RALGAPA1: variants seen among roughly 807,000 people sequenced by gnomAD.
The protein encoded by RALGAPA1 is Ral GTPase activating protein catalytic subunit alpha 1, also known as ral GTPase-activating protein subunit alpha-1.
RALGAPA1 carries 52 observed loss-of-function variants against 269.6 expected under a neutral mutation model. That is an observed-to-expected ratio of 0.19 (90% CI 0.15 to 0.24). RALGAPA1 has a LOEUF of 0.24. Ranked by LOEUF, RALGAPA1 falls within the 10% of genes least tolerant of loss-of-function variation. RALGAPA1 has a pLI of 1.00. For synonymous variants in RALGAPA1, 817 were observed against 1,008.3 expected, an observed-to-expected ratio of 0.81 and a Z score of 3.60; for missense variants, 1,917 against 3,013.9, an observed-to-expected ratio of 0.64 and a Z score of 8.52.
intron 35 of RALGAPA1, among the ~76,000 whole-genome samples, chr14:35,609,363 T>C (rs899895395): frequency 6.6e-6 from 1 of 152,116 alleles, no homozygotes; most frequent in African/African-American, 2.4e-5. Context: ...AATTCACAAA[T>C]GTGTGAAAAT....
At position 35,615,074 on chromosome 14, in the gene RALGAPA1, G is replaced by C. The variant is rs114195613; in HGVS notation, c.6930-9365C>G. ...GCTAAAATGTTTTATATTGTCATTA[G>C]ATTAATATGCACCACAATAGTGAAT... On this transcript the variant is annotated intron_variant, in intron 35 of 41. Coordinates refer to ENST00000680220, the MANE Select transcript of RALGAPA1 (RefSeq NM_001346249.2). Among the ~76,000 whole-genome samples, 376 of 152,116 alleles carry C rather than the reference G, an allele frequency of 2.5e-3. 2 individuals carry two copies. Among genetic ancestry groups the C allele is most frequent in the African/African-American group, 8.6e-3 (359 of 41,506 alleles).
chr14:35,544,444 T>A (rs917975329), intron 41 of RALGAPA1, among the ~76,000 whole-genome samples: 2 of 152,190 alleles, frequency 1.3e-5, no homozygotes, highest in African/African-American at 4.8e-5. Context: ...TGACTCTGGG[T>A]AAGCATTTTT....
chr14:35,542,339 C>T (rs1263689425), intron 41 of RALGAPA1: 1 of 175,180 alleles, frequency 5.7e-6, no homozygotes, highest in African/African-American at 2.4e-5. Context: ...ACATTTCCAT[C>T]ACCATAGAAG....
Position 35,539,574 on chromosome 14 carries a change from G to A in RALGAPA1, c.*140C>T, listed in dbSNP as rs756904690. On this transcript the variant is annotated 3_prime_UTR_variant, in exon 42 of 42. Transcript: ENST00000680220. ...TTATTGGCTGAGCCAGAGGAACGAC[G>A]CAGCTTCATGGACATGCGGCTTTTG... is the stretch of plus-strand genomic sequence containing the variant. The A allele has an allele frequency of 3.1e-6, 5 of 1,613,048 alleles. No homozygotes were observed. Among genetic ancestry groups the A allele is most frequent in the South Asian group, 1.1e-5 (1 of 91,026 alleles).
At chr14:35,668,502 A>AT (rs1566960187) in intron 26 of RALGAPA1, among the ~76,000 whole-genome samples, 1 of 151,934 alleles carries the variant, frequency 6.6e-6, no homozygotes, top group Non-Finnish European at 1.5e-5. Context: ...AAAAATGTAC[A>AT]TTAAAAAATG....
intron 16 of RALGAPA1, among the ~76,000 whole-genome samples, chr14:35,703,464 G>T (rs995871069): frequency 3.9e-5 from 6 of 152,144 alleles, no homozygotes; most frequent in African/African-American, 1.4e-4. Context: ...GGGCAACAAA[G>T]TTAAGACTCT....
chr14:35,623,760 A>G (rs2060800129), intron 35 of RALGAPA1, among the ~76,000 whole-genome samples: 1 of 152,184 alleles, frequency 6.6e-6, no homozygotes, highest in Non-Finnish European at 1.5e-5. Context: ...TAAATGTCCA[A>G]CAATCATAAA....
At chr14:35,695,270 C>T (rs2066811373) in intron 17 of RALGAPA1, among the ~76,000 whole-genome samples, 1 of 151,760 alleles carries the variant, frequency 6.6e-6, no homozygotes, top group African/African-American at 2.4e-5. Context: ...ATGCTATAAT[C>T]AGCAGATTAC....
At position 35,672,952 on chromosome 14, in the gene RALGAPA1, T is replaced by C. The variant is rs2064603174; in HGVS notation, c.4988A>G (p.Lys1663Arg). ...ATTTGGAGAAACATCTTGTCTTCTT[T>C]TCATTGTATTACAAATAAGTTTATA... ...HAYKLICNTM[K>R]RRQDVSPNRD... is the part of the protein sequence containing the mutation. The change falls in exon 25 of 42, where the codon AAA becomes AGA. Residue 1663 changes from lysine to arginine, a missense_variant. Physicochemically the swap from Lys to Arg is conservative, Grantham distance 26 (BLOSUM62 2). Transcript: ENST00000680220. The C allele has an allele frequency of 1.3e-6, 2 of 1,575,342 alleles. No individual in the cohort carries two copies. Among genetic ancestry groups the C allele is most frequent in the South Asian group, 1.2e-5 (1 of 85,228 alleles).
intron 1 of RALGAPA1, among the ~76,000 whole-genome samples, chr14:35,776,277 A>G (rs2075015599): frequency 6.6e-6 from 1 of 152,020 alleles, no homozygotes; most frequent in Admixed American, 6.6e-5. Context: ...GCTACTTGGG[A>G]GGCTGAGGCA....
At chr14:35,742,865 T>C (rs1291402954) in intron 10 of RALGAPA1, among the ~76,000 whole-genome samples, 4 of 152,044 alleles carry the variant, frequency 2.6e-5, no homozygotes, top group Non-Finnish European at 5.9e-5. Flanking sequence ...TTAAGAAAGA[T>C]TAATAAAAAT....
chr14:35,792,713 G>C (rs2076263116), intron 1 of RALGAPA1, among the ~76,000 whole-genome samples: 1 of 149,358 alleles, frequency 6.7e-6, no homozygotes, highest in Non-Finnish European at 1.5e-5. Context: ...AACCCGGCAA[G>C]TAGAGGTTGC....
intron 20 of RALGAPA1, 104 bp from the exon 21 acceptor site, chr14:35,684,089 T>C (rs574485839): frequency 1.2e-6 from 1 of 815,604 alleles, no homozygotes; most frequent in African/African-American, 1.7e-5. Flanking sequence ...TCCCCGTACA[T>C]CTATTCTGTT....
At chr14:35,611,001 T>C (rs1209795574) in intron 35 of RALGAPA1, among the ~76,000 whole-genome samples, 1 of 152,156 alleles carries the variant, frequency 6.6e-6, no homozygotes, top group Non-Finnish European at 1.5e-5. Flanking sequence ...AAAAAAGTCA[T>C]GTTCATGGGC....
intron 37 of RALGAPA1, among the ~76,000 whole-genome samples, chr14:35,592,165 C>G (rs541895493): frequency 1.3e-5 from 2 of 152,188 alleles, no homozygotes; most frequent in East Asian, 3.9e-4. Flanking sequence ...TGTAACCAAT[C>G]AGAAATGAAA....
chr14:35,718,938 C>T (rs2069115557), intron 16 of RALGAPA1, among the ~76,000 whole-genome samples: 1 of 151,472 alleles, frequency 6.6e-6, no homozygotes, highest in Admixed American at 6.6e-5. Flanking sequence ...CTCCTGGGCT[C>T]AAGAGATCTT....
chr14:35,677,871 T>C (rs2065084946), intron 22 of RALGAPA1, 79 bp downstream of exon 22: 1 of 1,313,302 alleles, frequency 7.6e-7, no homozygotes, highest in South Asian at 1.3e-5. Context: ...TATAATCAAA[T>C]GTAAGATGCC....
intron 16 of RALGAPA1, among the ~76,000 whole-genome samples, chr14:35,719,624 G>T (rs1182198093): frequency 6.8e-6 from 1 of 147,246 alleles, no homozygotes; most frequent in African/African-American, 2.6e-5. Flanking sequence ...GGGTCTTTAT[G>T]CTTCCCTAAA....
intron 1 of RALGAPA1, among the ~76,000 whole-genome samples, chr14:35,792,141 A>T (rs963986148): frequency 3.0e-4 from 45 of 152,042 alleles, no homozygotes; most frequent in African/African-American, 1.0e-3. Context: ...AGAGGGTTTT[A>T]GAGCAGTTAG....
Sources: allele counts gnomAD v4.1 joint callset (sites outside exome capture counted in the v4.1 genomes callset), GRCh38; gene constraint gnomAD v4.1.1; transcripts MANE v1.5; gene names NCBI Gene and HGNC (gene_info 2026-07-23, HGNC 2026-07-21).